Variants in GRM8 observed in about 807,000 individuals in gnomAD.
GRM8 encodes metabotropic glutamate receptor 8.
GRM8 carries 47 observed loss-of-function variants against 87.2 expected under a neutral mutation model. The ratio of observed to expected loss-of-function variants is 0.54; its 90% CI spans 0.43 to 0.69. GRM8 has a LOEUF of 0.69. Ranked by LOEUF, GRM8 falls within the 30% of genes least tolerant of loss-of-function variation. The probability of loss-of-function intolerance (pLI) is 0.00; values close to 1 mark genes in which losing one functional copy is unlikely to be tolerated. For missense variants in GRM8, 1,019 were observed against 1,139.2 expected (o/e 0.89, Z 1.52); for synonymous variants, 396 against 404.5 (o/e 0.98, Z 0.25).
At chr7:126,762,436 A>T (rs968597812) in intron 7 of GRM8, among the ~76,000 whole-genome samples, 6 of 152,010 alleles carry the variant, frequency 3.9e-5, no homozygotes, top group Non-Finnish European at 8.8e-5. Flanking sequence ...CCAAATACAC[A>T]GTCAACACCA....
At chr7:126,612,418 C>A (rs1641728082) in intron 7 of GRM8, among the ~76,000 whole-genome samples, 1 of 152,156 alleles carries the variant, frequency 6.6e-6, no homozygotes, top group South Asian at 2.1e-4. Context: ...TCTCTTTCCT[C>A]CTTACCCCTC....
chr7:127,044,534 G>A (rs1818745726), intron 3 of GRM8, among the ~76,000 whole-genome samples: 1 of 152,060 alleles, frequency 6.6e-6, no homozygotes, highest in African/African-American at 2.4e-5. Context: ...ATGTTTCTCA[G>A]TAGGTACTCT....
At chr7:126,762,189 T>G (rs540230073) in intron 7 of GRM8, among the ~76,000 whole-genome samples, 2 of 152,036 alleles carry the variant, frequency 1.3e-5, no homozygotes, top group South Asian at 2.1e-4. Context: ...TTATGAAAGA[T>G]AAACATGAAC....
chr7:126,484,101 A>G (rs955899734), intron 9 of GRM8, among the ~76,000 whole-genome samples: 2 of 152,100 alleles, frequency 1.3e-5, no homozygotes, highest in Non-Finnish European at 2.9e-5. Flanking sequence ...CGTAAATGTC[A>G]CAGTTCAAGT....
chr7:126,829,321 T>G (rs28789525), intron 6 of GRM8, among the ~76,000 whole-genome samples: 2,401 of 137,376 alleles, frequency 0.017, 71 homozygotes, highest in African/African-American at 0.064. Context: ...CTCCCATTAT[T>G]ATTGTGTGGG....
intron 9 of GRM8, among the ~76,000 whole-genome samples, chr7:126,448,054 T>C (rs1022651386): frequency 3.9e-5 from 6 of 152,078 alleles, no homozygotes; most frequent in African/African-American, 1.4e-4. Context: ...TCCTAAGTAT[T>C]GGTTAATCTT....
At chr7:127,074,976 G>A (rs928545824) in intron 3 of GRM8, among the ~76,000 whole-genome samples, 5 of 152,180 alleles carry the variant, frequency 3.3e-5, no homozygotes, top group Admixed American at 2.6e-4. Flanking sequence ...TCCAACAGAA[G>A]ACTGGCTTCA....
chr7:126,846,785 T>C (rs1796743723), intron 6 of GRM8, among the ~76,000 whole-genome samples: 1 of 152,076 alleles, frequency 6.6e-6, no homozygotes, highest in Non-Finnish European at 1.5e-5. Context: ...CAAAAGACTA[T>C]AGCAGTTTAG....
At chr7:127,142,857 G>T (rs1364852385) in intron 2 of GRM8, among the ~76,000 whole-genome samples, 2 of 152,152 alleles carry the variant, frequency 1.3e-5, no homozygotes, top group African/African-American at 4.8e-5. Flanking sequence ...CTGCATTTAT[G>T]ATGTTTAGTA....
In GRM8 at chr7:127,015,055, G is replaced by GAAC. The variant is rs1563413235; in HGVS notation, c.727+91440_727+91441insGTT. 1.8e-5 allele frequency among the ~76,000 whole-genome samples: 2 copies of GAAC among 113,150 alleles called. 1 individual carries two copies. The highest frequency in any genetic ancestry group is 1.8e-4 in the Admixed American group (2 of 10,856). 74.2% of individuals were successfully genotyped at this position (113,150 alleles called of 152,430 possible). A position where few individuals can be genotyped will look rare whatever the true frequency, so the allele number is the denominator to read the frequency against. ...AGAAGAAGAAGAAGAAGAAGAAGAA[G>GAAC]AAGAAGAAGAAGAAAGAAAGAAGGA... On this transcript the variant is annotated intron_variant, in intron 3 of 10. Coordinates refer to ENST00000339582, the MANE Select transcript of GRM8 (RefSeq NM_000845.3).
chr7:126,465,789 T>C (rs1804427257), intron 9 of GRM8, among the ~76,000 whole-genome samples: 1 of 151,858 alleles, frequency 6.6e-6, no homozygotes, highest in Non-Finnish European at 1.5e-5. Flanking sequence ...ACTTTATGTC[T>C]TTTTTCTTTT....
chr7:126,623,945 C>T (rs552569707), intron 7 of GRM8, among the ~76,000 whole-genome samples: 1 of 152,060 alleles, frequency 6.6e-6, no homozygotes, highest in Non-Finnish European at 1.5e-5. Context: ...CCTGTCCCCA[C>T]CCCCTGCTCA....
intron 2 of GRM8, among the ~76,000 whole-genome samples, chr7:127,171,402 C>T (rs975122468): frequency 3.3e-5 from 5 of 152,110 alleles, no homozygotes; most frequent in Non-Finnish European, 7.4e-5. Flanking sequence ...GAAGTTCTAA[C>T]GTGGATAAAA....
intron 6 of GRM8, among the ~76,000 whole-genome samples, chr7:126,828,257 C>T (rs1474936304): frequency 2.2e-4 from 33 of 150,760 alleles, no homozygotes; most frequent in South Asian, 8.6e-4. Flanking sequence ...CCCTCTTTTT[C>T]TATTGATTAG....
chr7:126,784,279 G>A (rs1585918163), intron 6 of GRM8, among the ~76,000 whole-genome samples: 1 of 152,062 alleles, frequency 6.6e-6, no homozygotes. Context: ...ATTGAAAACA[G>A]TTTCATCTTT....
intron 6 of GRM8, among the ~76,000 whole-genome samples, chr7:126,790,971 T>C (rs1043021224): frequency 3.3e-5 from 5 of 152,070 alleles, no homozygotes; most frequent in Non-Finnish European, 7.4e-5. Context: ...AAATTTCAGA[T>C]CCTCATTAAC....
At chr7:127,227,216 C>T (rs1024737400) in intron 2 of GRM8, among the ~76,000 whole-genome samples, 4 of 152,142 alleles carry the variant, frequency 2.6e-5, no homozygotes, top group Non-Finnish European at 4.4e-5. Context: ...ATGGATAAGT[C>T]GGGCTGCCGA....
At chr7:126,975,039 C>T (rs543093236) in intron 3 of GRM8, among the ~76,000 whole-genome samples, 2 of 149,552 alleles carry the variant, frequency 1.3e-5, no homozygotes, top group South Asian at 4.3e-4. Flanking sequence ...TGAGAGGGCT[C>T]ATAGGTTGGA....
rs868783276 is a variant in GRM8, at chr7:127,089,460, C to T, written c.727+17036G>A. On this transcript the variant is annotated intron_variant, in intron 3 of 10. Transcript: ENST00000339582. ...CAGCTCTGGGAAATGAATACAGTTA[C>T]TAAGCTGGCAGTATGCAAGCCTACA... is the stretch of plus-strand genomic sequence containing the variant. 3.3e-4 allele frequency among the ~76,000 whole-genome samples: 51 copies of T among 152,332 alleles called. 1 individual carries two copies. The highest frequency in any genetic ancestry group is 6.8e-3 in the Middle Eastern group (2 of 294).
Sources: allele counts gnomAD v4.1 joint callset (sites outside exome capture counted in the v4.1 genomes callset), GRCh38; gene constraint gnomAD v4.1.1; transcripts MANE v1.5; gene names NCBI Gene and HGNC (gene_info 2026-07-23, HGNC 2026-07-21).